HTR3B: variants seen among roughly 807,000 people sequenced by gnomAD.
HTR3B encodes the protein 5-hydroxytryptamine receptor 3B.
In HTR3B, 44 loss-of-function variants were observed where a neutral mutation model predicts 42.8. That is an observed-to-expected ratio of 1.03 (90% confidence interval 0.81 to 1.32). HTR3B has a LOEUF of 1.32. Ranked by LOEUF, HTR3B falls within the 40% of genes most tolerant of loss-of-function variation. The probability of loss-of-function intolerance (pLI) is 0.00; values close to 1 mark genes in which losing one functional copy is unlikely to be tolerated. For synonymous variants in HTR3B, 203 were observed against 209.0 expected (o/e 0.97, Z 0.25); for missense variants, 527 against 536.5 (o/e 0.98, Z 0.17).
In HTR3B at chr11:113,944,650, G is replaced by C; in HGVS notation, c.985G>C (p.Asp329His). 1 of 1,614,156 alleles carries C rather than the reference G, an allele frequency of 6.2e-7. No individual in the cohort carries two copies. The highest frequency in any genetic ancestry group is 1.6e-4 in the Middle Eastern group (1 of 6,062). ...KSIVLVKFLH[D>H]EQRGGQEQPF... is the part of the protein sequence containing the mutation. ...CATCGTGTTGGTCAAATTCCTCCATGATGAGCAGCGTGGTGGACAGGAGCA... is the reference window on the plus strand; with the variant it reads ...CATCGTGTTGGTCAAATTCCTCCATCATGAGCAGCGTGGTGGACAGGAGCA... The change falls in exon 8 of 9, where the codon GAT becomes CAT. Residue 329 changes from aspartate (D) to histidine (H), a missense_variant. Coordinates refer to ENST00000260191, the MANE Select transcript of HTR3B (RefSeq NM_006028.5).
intron 1 of HTR3B, among the ~76,000 whole-genome samples, chr11:113,906,453 T>C (rs1949735356): frequency 6.6e-6 from 1 of 152,156 alleles, no homozygotes; most frequent in African/African-American, 2.4e-5. Flanking sequence ...ATTTTGGATA[T>C]TCATGACAAT....
rs141329468 is a variant in HTR3B, at chr11:113,905,060, G to A, written c.52+75G>A. The A allele has an allele frequency of 4.4e-4, 444 of 1,015,744 alleles. No homozygotes were observed. In the East Asian group the frequency reaches 7.5e-3, roughly 17 times the overall value. 62.9% of individuals were successfully genotyped at this position (1,015,744 alleles called of 1,614,324 possible). On this transcript the variant is annotated intron_variant, in intron 1 of 8. Coordinates refer to ENST00000260191, the MANE Select transcript of HTR3B (RefSeq NM_006028.5). ...GATAGAGACAATATTTGTATACACC[G>A]TACTGTAGGACTTCTCAGGCATGTT...
chr11:113,932,628 G>A (rs1015251027), intron 5 of HTR3B, among the ~76,000 whole-genome samples, 170 bp downstream of exon 5: 8 of 130,548 alleles, frequency 6.1e-5, no homozygotes, highest in African/African-American at 2.5e-4. Flanking sequence ...GTATGATGCT[G>A]TAGGCCCCCA....
upstream of HTR3B, among the ~76,000 whole-genome samples, chr11:113,901,101 T>C (rs891498388): frequency 1.3e-5 from 2 of 152,116 alleles, no homozygotes; most frequent in Non-Finnish European, 2.9e-5. Flanking sequence ...GGGACCATTT[T>C]TGTGAAAAAC....
upstream of HTR3B, among the ~76,000 whole-genome samples, chr11:113,902,366 G>A (rs1011259439): frequency 1.3e-4 from 19 of 151,094 alleles, no homozygotes; most frequent in Admixed American, 4.6e-4. Flanking sequence ...GTGTGATCTC[G>A]GCTCAGTGCA....
chr11:113,939,340 G>T (rs1214748844), intron 6 of HTR3B, among the ~76,000 whole-genome samples: 2 of 152,154 alleles, frequency 1.3e-5, no homozygotes, highest in African/African-American at 4.8e-5. Context: ...CTAATAATAT[G>T]CAGGGTTAGT....
intron 2 of HTR3B, among the ~76,000 whole-genome samples, chr11:113,922,022 AC>A (rs1949920757): frequency 1.3e-5 from 2 of 152,080 alleles, no homozygotes; most frequent in South Asian, 4.1e-4. Context: ...ATGAGCCTGG[AC>A]CCATGGTTGT....
chr11:113,919,738 G>A (rs1349360415), intron 2 of HTR3B, among the ~76,000 whole-genome samples: 1 of 151,936 alleles, frequency 6.6e-6, no homozygotes, highest in African/African-American at 2.4e-5. Context: ...CGAGGCAGGA[G>A]AATTGCTTGA....
In HTR3B at chr11:113,932,465, C is replaced by G; in HGVS notation, c.538+7C>G. 1 of 1,608,260 alleles carries G rather than the reference C, an allele frequency of 6.2e-7. No individual in the cohort carries two copies. ...AAGAGCATTCTGCATACAGGTAAAC[C>G]ATGAGAGATACCCATTAATGCTAGG... On this transcript the variant is annotated splice_region_variant and intron_variant, in intron 5 of 8. Transcript: ENST00000260191.
At chr11:113,900,403 T>G (rs2137474801), upstream of HTR3B, among the ~76,000 whole-genome samples, 1 of 152,318 alleles carries the variant, frequency 6.6e-6, no homozygotes, top group East Asian at 1.9e-4. Flanking sequence ...GCAGAAACAA[T>G]GCAGATAAAA....
chr11:113,917,680 C>CT (rs1949869872), intron 2 of HTR3B, among the ~76,000 whole-genome samples: 1 of 152,086 alleles, frequency 6.6e-6, no homozygotes, highest in African/African-American at 2.4e-5. Flanking sequence ...GCATGTCTCA[C>CT]TGCAGCCTCA....
chr11:113,914,841 T>C (rs1314016938), intron 2 of HTR3B, among the ~76,000 whole-genome samples: 1 of 152,186 alleles, frequency 6.6e-6, no homozygotes, highest in Non-Finnish European at 1.5e-5. Flanking sequence ...TCTTCCTTAC[T>C]GTCTGATAGA....
chr11:113,909,077 T>C, intron 1 of HTR3B: 2 of 585,966 alleles, frequency 3.4e-6, no homozygotes, highest in South Asian at 4.6e-5. Flanking sequence ...GTTGATTTAC[T>C]TGTTTTTACA....
At chr11:113,903,414 A>ATTTCT (rs1159815566), upstream of HTR3B, among the ~76,000 whole-genome samples, 13 of 140,762 alleles carry the variant, frequency 9.2e-5, no homozygotes, top group African/African-American at 3.1e-4. Flanking sequence ...ATTTGTATTT[A>ATTTCT]TTTCTTTTCT....
chr11:113,944,858 C>T (rs925033030), intron 8 of HTR3B, 103 bp downstream of exon 8: 3 of 1,023,786 alleles, frequency 2.9e-6, no homozygotes, highest in Admixed American at 2.5e-5. Flanking sequence ...ATGTGAAAAA[C>T]CTACAACAAC....
At chr11:113,945,441 G>A (rs977725160) in intron 8 of HTR3B, among the ~76,000 whole-genome samples, 2 of 152,134 alleles carry the variant, frequency 1.3e-5, no homozygotes, top group African/African-American at 4.8e-5. Context: ...CAGCCTATTT[G>A]TTTGTTTTTA....
At chr11:113,926,468 T>TTTTCC (rs59706001) in intron 2 of HTR3B, among the ~76,000 whole-genome samples, 12,372 of 80,036 alleles carry the variant, frequency 0.15, 1,935 homozygotes, top group East Asian at 0.25. Flanking sequence ...CTTTCCTTTC[T>TTTTCC]TTTCCTTTCC....
chr11:113,918,449 A>T (rs1159423893), intron 2 of HTR3B, among the ~76,000 whole-genome samples: 2 of 151,938 alleles, frequency 1.3e-5, no homozygotes, highest in Non-Finnish European at 1.5e-5. Flanking sequence ...GGCAACCACT[A>T]ATCTTTTCTC....
chr11:113,919,071 C>T (rs183233840), intron 2 of HTR3B, among the ~76,000 whole-genome samples: 25 of 151,938 alleles, frequency 1.6e-4, no homozygotes, highest in South Asian at 4.2e-4. Context: ...CTTTATTTTC[C>T]GGAATTTTTA....
Sources: allele counts gnomAD v4.1 joint callset (sites outside exome capture counted in the v4.1 genomes callset), GRCh38; gene constraint gnomAD v4.1.1; transcripts MANE v1.5; gene names NCBI Gene and HGNC (gene_info 2026-07-23, HGNC 2026-07-21).